KCNH2: variants seen among roughly 807,000 people sequenced by gnomAD.
KCNH2 encodes the protein voltage-gated inwardly rectifying potassium channel KCNH2.
KCNH2 carries 35 observed loss-of-function variants against 95.9 expected under a neutral mutation model. The observed-to-expected ratio is 0.37, with a 90% CI of 0.28 to 0.48. The LOEUF (loss-of-function observed/expected upper bound fraction) is 0.48. KCNH2 is among the 20% of genes least tolerant of loss of function. The probability of loss-of-function intolerance (pLI) is 0.99; values close to 1 mark genes in which losing one functional copy is unlikely to be tolerated. For synonymous variants in KCNH2, 786 were observed against 754.7 expected, an observed-to-expected ratio of 1.04 and a Z score of -0.68; for missense variants, 1,274 against 1,702.9, an observed-to-expected ratio of 0.75 and a Z score of 4.43.
chr7:150,950,495 A>C (rs1441756214), intron 8 of KCNH2, 75 bp from the exon 9 acceptor site: 9 of 1,541,980 alleles, frequency 5.8e-6, no homozygotes, highest in African/African-American at 2.8e-5. Context: ...CCACCATCCC[A>C]CCCCTCCATG....
At position 150,948,446 on chromosome 7, in the gene KCNH2, T is replaced by TGTCCG. The variant is rs767910122; in HGVS notation, c.2689_2690insCGGAC (p.Lys897ThrfsTer79). 24 of 1,099,172 alleles carry TGTCCG rather than the reference T, an allele frequency of 2.2e-5. No individual in the cohort carries two copies. In the Middle Eastern group the frequency reaches 8.7e-4, roughly 40 times the overall value. 68.1% of individuals were successfully genotyped at this position (1,099,172 alleles called of 1,614,324 possible). On this transcript the variant is annotated frameshift_variant, in exon 11 of 15. Coordinates refer to ENST00000262186, the MANE Select transcript of KCNH2 (RefSeq NM_000238.4). LOFTEE classifies it high-confidence loss of function. ...CTTCCTCCCCTCCCCCGCCTCACCC[T>TGTCCG]TGTCCGTGCGCCTGCGGAAGGACAA... is the stretch of plus-strand genomic sequence containing the variant.
At position 150,958,404 on chromosome 7, in the gene KCNH2, G is replaced by GGGCGCCCGC. The variant is rs1309145286; in HGVS notation, c.562_570dup (p.Ala188_Ala190dup). On this transcript the variant is annotated inframe_insertion, in exon 4 of 15. Coordinates refer to ENST00000262186, the MANE Select transcript of KCNH2 (RefSeq NM_000238.4). Reference sequence around the variant, plus strand: ...TCCACGTCCACCACCACGGCCCCCGGGGCGCCCGCGCCGCCCGCGCCGCCC... The same window carrying GGGCGCCCGC: ...TCCACGTCCACCACCACGGCCCCCGGGGCGCCCGCGGCGCCCGCGCCGCCCGCGCCGCCC... The GGGCGCCCGC allele has an allele frequency of 1.0e-5, 15 of 1,450,080 alleles. No homozygotes were observed. Among genetic ancestry groups the GGGCGCCCGC allele is most frequent in the Non-Finnish European group, 1.3e-5 (14 of 1,109,042 alleles). 89.8% of individuals were successfully genotyped at this position (1,450,080 alleles called of 1,614,324 possible). A position where few individuals can be genotyped will look rare whatever the true frequency, so the allele number is the denominator to read the frequency against.
Position 150,947,592 on chromosome 7 carries a change from G to GGGATACCTCGCCTCGCC in KCNH2, c.2965+13_2965+14insGGCGAGGCGAGGTATCC. 1 of 1,611,582 alleles carries GGGATACCTCGCCTCGCC rather than the reference G, an allele frequency of 6.2e-7. No individual in the cohort carries two copies. Among genetic ancestry groups the GGGATACCTCGCCTCGCC allele is most frequent in the Non-Finnish European group, 8.5e-7 (1 of 1,179,052 alleles). ...ACGCCCGGTCCTCCCTCGCCCGCCCGTCGCCCGGGATACCTGACAGGGGGT... is the reference window on the plus strand; with the variant it reads ...ACGCCCGGTCCTCCCTCGCCCGCCCGGGATACCTCGCCTCGCCTCGCCCGGGATACCTGACAGGGGGT... On this transcript the variant is annotated intron_variant, in intron 12 of 14. Transcript: ENST00000262186.
In KCNH2 at chr7:150,947,032, C is replaced by A; in HGVS notation, c.3175G>T (p.Asp1059Tyr). Reference sequence around the variant, plus strand: ...AGCAGCTGCAGGACAGTGGCCATGTCTGCACTCAGCCGGGTCTCCAGCCTG... The same window carrying A: ...AGCAGCTGCAGGACAGTGGCCATGTATGCACTCAGCCGGGTCTCCAGCCTG... ...LNRLETRLSA[D>Y]MATVLQLLQR... is the part of the protein sequence containing the mutation. Residue 1059 changes from aspartate (D) to tyrosine (Y), a missense_variant, in exon 14 of 15, where the codon GAC (aspartate) becomes TAC (tyrosine). Transcript: ENST00000262186. 3.1e-6 allele frequency: 5 copies of A among 1,605,116 alleles called. No individual in the cohort carries two copies. The highest frequency in any genetic ancestry group is 4.3e-6 in the Non-Finnish European group (5 of 1,174,284).
At chr7:150,949,099 A>C (rs772095014) in intron 9 of KCNH2, 50 bp from the exon 10 acceptor site, 18 of 1,528,278 alleles carry the variant, frequency 1.2e-5, no homozygotes, top group Non-Finnish European at 1.5e-5. Context: ...GGCGGCATCC[A>C]GGCAGCAGGC....
intron 5 of KCNH2, 82 bp downstream of exon 5, chr7:150,957,209 C>A: frequency 1.7e-6 from 2 of 1,207,220 alleles, no homozygotes; most frequent in Non-Finnish European, 1.2e-6. Context: ...CCCCCTCCAC[C>A]CGGCTCTGGA....
rs1030024317 is a variant in KCNH2 at position 150,951,385 on chromosome 7, T to G, written c.1945+63A>C. 5 of 1,600,748 alleles carry G rather than the reference T, an allele frequency of 3.1e-6. No homozygotes were observed. The South Asian group carries it at 5.5e-5, about 18-fold the overall frequency. ...CTCTGGCCCGGCTAGCAGCCTCAGT[T>G]TCCTCCAACTTGGGTTCCTCCACCG... On this transcript the variant is annotated intron_variant, in intron 7 of 14. Coordinates refer to ENST00000262186, the MANE Select transcript of KCNH2 (RefSeq NM_000238.4).
rs548818145 is a variant in KCNH2, at chr7:150,952,044, G to A, written c.1558-209C>T. On this transcript the variant is annotated intron_variant, in intron 6 of 14. Transcript: ENST00000262186. This position sits in a 1 kb window ranked among gnomAD's most constrained non-coding sequence, Gnocchi z 7.3. ...CTTTGGGACAGAGGCAGCCCCCATA[G>A]TGTGGATGAGGAAACAGGGGCACTG... is the stretch of plus-strand genomic sequence containing the variant. Among the ~76,000 whole-genome samples the A allele has an allele frequency of 6.6e-6, 1 of 152,186 alleles. No individual in the cohort carries two copies. The highest frequency in any genetic ancestry group is 6.5e-5 in the Admixed American group (1 of 15,292).
chr7:150,960,114 G>A (rs1365472906), intron 2 of KCNH2, among the ~76,000 whole-genome samples: 1 of 151,486 alleles, frequency 6.6e-6, no homozygotes, highest in Non-Finnish European at 1.5e-5. Context: ...TTTCCCTCAA[G>A]CGAGGCGCTG....
rs2116961300 is a variant in KCNH2, at chr7:150,951,600, T to C, written c.1793A>G (p.Asn598Ser). 4 of 1,614,194 alleles carry C rather than the reference T, an allele frequency of 2.5e-6. No individual in the cohort carries two copies. The highest frequency in any genetic ancestry group is 1.1e-5 in the South Asian group (1 of 91,092). ...GGAGGGGCCGCCCAGGCCGCTGCTG[T>C]TGTAGGGTTTGCCTATCTGGTCGCC... ...NLGDQIGKPY[N>S]SSGLGGPSIK... Residue 598 changes from asparagine to serine, a missense_variant, in exon 7 of 15, where the codon AAC (asparagine) becomes AGC (serine). This residue lies in a region of KCNH2 where 147 missense variants were observed against 344.4 expected (regional missense o/e 0.43). Transcript: ENST00000262186.
At chr7:150,977,816 C>T in intron 1 of KCNH2, 22 bp downstream of exon 1, 3 of 1,468,334 alleles carry the variant, frequency 2.0e-6, no homozygotes, top group East Asian at 2.4e-5. Flanking sequence ...CCCCTCCCCG[C>T]TCAGCCCCCT....
intron 10 of KCNH2, 127 bp from the exon 11 acceptor site, chr7:150,948,670 T>A: frequency 1.8e-6 from 2 of 1,091,490 alleles, no homozygotes. Context: ...AACCCTTCCC[T>A]GCCCCCAATG....
chr7:150,948,497 C>T lies in KCNH2; in HGVS notation c.2639G>A (p.Gly880Asp), dbSNP rs1801009020. 1 of 1,612,926 alleles carries T rather than the reference C, an allele frequency of 6.2e-7. No homozygotes were observed. Among genetic ancestry groups the T allele is most frequent in the Non-Finnish European group, 8.5e-7 (1 of 1,179,770 alleles). Reference protein sequence around the residue: ...GSPGSTELEGGFSRQRKRKLS... With the variant: ...GSPGSTELEGDFSRQRKRKLS... ...CTTGCGCTTGCGTTGCCGACTGAAG[C>T]CACCCTCTAACTCCGTACTGCCGGG... The change falls in exon 11 of 15, where the codon GGC becomes GAC. Residue 880 changes from glycine (G) to aspartate (D), a missense_variant. Physicochemically the swap from Gly to Asp is moderately conservative, Grantham distance 94. This residue lies in a region of KCNH2 where 457 missense variants were observed against 416.1 expected (regional missense o/e 1.10). Coordinates refer to ENST00000262186, the MANE Select transcript of KCNH2 (RefSeq NM_000238.4).
intron 2 of KCNH2, among the ~76,000 whole-genome samples, chr7:150,972,657 G>A (rs1431111724): frequency 1.3e-5 from 2 of 152,176 alleles, no homozygotes; most frequent in African/African-American, 4.8e-5. Context: ...CCATTTTTTG[G>A]AGTTGTAACC....
chr7:150,972,393 C>T (rs770182800), intron 2 of KCNH2, among the ~76,000 whole-genome samples: 1 of 152,222 alleles, frequency 6.6e-6, no homozygotes, highest in Non-Finnish European at 1.5e-5. Flanking sequence ...CACAGGCACG[C>T]ACACACGCAG....
At chr7:150,974,182 GTGC>G (rs1160094096) in intron 2 of KCNH2, among the ~76,000 whole-genome samples, 1 of 152,132 alleles carries the variant, frequency 6.6e-6, no homozygotes, top group Non-Finnish European at 1.5e-5. Context: ...CCTCCCCCAG[GTGC>G]TGCTGAAGCG....
chr7:150,950,736 G>A (rs1199254013), intron 8 of KCNH2, among the ~76,000 whole-genome samples, 185 bp downstream of exon 8: 2 of 152,186 alleles, frequency 1.3e-5, no homozygotes, highest in Non-Finnish European at 2.9e-5. Flanking sequence ...CCCAAAAGGG[G>A]AGCTCTCCAG....
At chr7:150,950,830 C>T in intron 8 of KCNH2, 91 bp downstream of exon 8, 4 of 1,369,918 alleles carry the variant, frequency 2.9e-6, no homozygotes, top group Non-Finnish European at 3.1e-6. Flanking sequence ...ACTGTGACCG[C>T]CTGAGACTTG....
At chr7:150,968,997 G>A (rs1323538193) in intron 2 of KCNH2, among the ~76,000 whole-genome samples, 2 of 152,204 alleles carry the variant, frequency 1.3e-5, no homozygotes, top group African/African-American at 2.4e-5. Flanking sequence ...AGTGCATCAG[G>A]GACAGGCGCT....
Sources: gnomAD v4.1 joint callset for allele counts (sites outside exome capture counted in the v4.1 genomes callset) on GRCh38, gnomAD v4.1.1 for gene constraint, gnomAD v4.1.1 regional missense constraint, Gnocchi (gnomAD v3.1) non-coding constraint, MANE v1.5 for transcripts, NCBI Gene and HGNC (gene_info 2026-07-23, HGNC 2026-07-21) for gene names.